MGAT4C: variants seen among roughly 807,000 people sequenced by gnomAD.
The protein encoded by MGAT4C is alpha-1,3-mannosyl-glycoprotein 4-beta-N-acetylglucosaminyltransferase C.
A neutral mutation model predicts 40.1 loss-of-function variants in MGAT4C; 19 were observed. That is an observed-to-expected ratio of 0.47 (90% CI 0.33 to 0.70). MGAT4C has a LOEUF of 0.70. Among genes scored for constraint, MGAT4C ranks in the 30% least tolerant of loss-of-function variants. The probability of loss-of-function intolerance (pLI) is 0.02; values close to 1 mark genes in which losing one functional copy is unlikely to be tolerated. For synonymous variants in MGAT4C, 181 were observed against 187.1 expected, an observed-to-expected ratio of 0.97 and a Z score of 0.27; for missense variants, 491 against 563.2, an observed-to-expected ratio of 0.87 and a Z score of 1.30.
At position 86,588,483 on chromosome 12, in the gene MGAT4C, A is replaced by G. The variant is rs1042558016; in HGVS notation, c.-229+138726T>C. Among the ~76,000 whole-genome samples, 11 of 152,178 alleles carry G rather than the reference A, an allele frequency of 7.2e-5. 1 individual carries two copies. Among genetic ancestry groups the G allele is most frequent in the African/African-American group, 2.4e-4 (10 of 41,544 alleles). ...ACTTTAACACCCCACTGTCAACATT[A>G]GACAGATCAACAAGACAGAAAGTTA... On this transcript the variant is annotated intron_variant, in intron 2 of 7. Transcript: ENST00000548651.
exon 2 of MGAT4C, chr12:86,727,236 G>C (rs1950836711): frequency 6.6e-6 from 1 of 152,082 alleles, no homozygotes; most frequent in African/African-American, 2.4e-5. Flanking sequence ...AACAGCAGCT[G>C]AGAAGCTGTC....
chr12:86,588,223 G>T (rs983184524), intron 2 of MGAT4C, among the ~76,000 whole-genome samples: 1 of 151,248 alleles, frequency 6.6e-6, no homozygotes, highest in African/African-American at 2.4e-5. Context: ...CCAAGCAAAT[G>T]GAAAACAAAA....
intron 3 of MGAT4C, among the ~76,000 whole-genome samples, chr12:86,432,892 T>C (rs908963579): frequency 1.1e-4 from 16 of 151,226 alleles, no homozygotes; most frequent in Admixed American, 4.0e-4. Flanking sequence ...CCTGTTCAAC[T>C]TTTTTTTTCA....
At chr12:86,836,457 C>T (rs940959103) in intron 1 of MGAT4C, among the ~76,000 whole-genome samples, 2 of 151,864 alleles carry the variant, frequency 1.3e-5, no homozygotes, top group African/African-American at 4.8e-5. Flanking sequence ...ATCATGGGCA[C>T]TCAGTAAATG....
At chr12:86,561,692 A>C (rs762285099) in intron 2 of MGAT4C, among the ~76,000 whole-genome samples, 2 of 152,046 alleles carry the variant, frequency 1.3e-5, no homozygotes, top group Admixed American at 6.6e-5. Flanking sequence ...CTATTGTGGG[A>C]CTTCACCTTG....
intron 2 of MGAT4C, among the ~76,000 whole-genome samples, chr12:86,585,515 G>C (rs574233816): frequency 2.6e-5 from 4 of 151,354 alleles, no homozygotes; most frequent in African/African-American, 4.8e-5. Context: ...AATGCTATTT[G>C]CAATGGGAAA....
chr12:86,540,793 T>C (rs573752455), intron 2 of MGAT4C, among the ~76,000 whole-genome samples: 1 of 152,236 alleles, frequency 6.6e-6, no homozygotes, highest in Non-Finnish European at 1.5e-5. Flanking sequence ...TCAGTTTGAA[T>C]TTGGGAATTC....
chr12:86,698,018 T>C (rs1950288270), intron 2 of MGAT4C, among the ~76,000 whole-genome samples: 1 of 152,150 alleles, frequency 6.6e-6, no homozygotes, highest in Non-Finnish European at 1.5e-5. Context: ...CATATTTGTG[T>C]GAATTATAGT....
chr12:86,535,385 A>T (rs1473132712), intron 2 of MGAT4C, among the ~76,000 whole-genome samples: 3 of 152,076 alleles, frequency 2.0e-5, no homozygotes, highest in Non-Finnish European at 4.4e-5. Context: ...GAATAGAGTA[A>T]TGCAATGTCA....
intron 1 of MGAT4C, among the ~76,000 whole-genome samples, chr12:86,098,331 C>T (rs995389672): frequency 6.6e-6 from 1 of 151,390 alleles, no homozygotes; most frequent in Non-Finnish European, 1.5e-5. Context: ...TTTCTTTTTG[C>T]TATCAGTTAT....
chr12:86,796,284 G>T (rs1363234835), intron 1 of MGAT4C, among the ~76,000 whole-genome samples: 3 of 151,676 alleles, frequency 2.0e-5, no homozygotes, highest in Non-Finnish European at 4.4e-5. Context: ...CTTTACTAAT[G>T]CTTCTTGAGC....
At position 85,963,451 on chromosome 12, in the gene MGAT4C, C is replaced by G. The variant is rs190748941; in HGVS notation, c.*15838G>C. 6 of 152,088 alleles carry G rather than the reference C, an allele frequency of 3.9e-5. No homozygotes were observed. Among genetic ancestry groups the G allele is most frequent in the African/African-American group, 1.4e-4 (6 of 41,550 alleles). The allele number at this position is 152,088 out of a possible 1,614,324, so 9.4% of individuals were successfully genotyped here. A position where few individuals can be genotyped will look rare whatever the true frequency, so the allele number is the denominator to read the frequency against. ...ACATAGGAACACACACACATACACA[C>G]AGACACACACAGAGTTTGCTTATAA... On this transcript the variant is annotated 3_prime_UTR_variant, in exon 5 of 5. Coordinates refer to ENST00000611864, the MANE Select transcript of MGAT4C (RefSeq NM_001351288.2).
intron 1 of MGAT4C, among the ~76,000 whole-genome samples, chr12:86,062,541 A>C (rs761672296): frequency 1.7e-4 from 26 of 152,238 alleles, no homozygotes; most frequent in Non-Finnish European, 3.5e-4. Flanking sequence ...ACGAATTGAC[A>C]GAAGTAGGCT....
chr12:86,658,393 C>A (rs1434234864), intron 2 of MGAT4C, among the ~76,000 whole-genome samples: 1 of 151,966 alleles, frequency 6.6e-6, no homozygotes, highest in Non-Finnish European at 1.5e-5. Flanking sequence ...GAGAGACAAG[C>A]ATTTAAGGAC....
At chr12:86,229,318 C>G (rs1739396199) in intron 1 of MGAT4C, among the ~76,000 whole-genome samples, 1 of 151,746 alleles carries the variant, frequency 6.6e-6, no homozygotes, top group African/African-American at 2.4e-5. Flanking sequence ...ATATTTCAAT[C>G]CAATGTCTTT....
At chr12:86,452,921 C>T (rs994601906) in intron 2 of MGAT4C, among the ~76,000 whole-genome samples, 7 of 152,244 alleles carry the variant, frequency 4.6e-5, no homozygotes, top group African/African-American at 7.2e-5. Flanking sequence ...GGGCTTGCTA[C>T]AATGCATATT....
chr12:86,742,160 T>C (rs1951078735), intron 1 of MGAT4C, among the ~76,000 whole-genome samples: 2 of 151,468 alleles, frequency 1.3e-5, no homozygotes, highest in Admixed American at 6.6e-5. Context: ...TACCTCACAC[T>C]GTACACTCCC....
intron 1 of MGAT4C, among the ~76,000 whole-genome samples, chr12:86,748,511 A>G (rs1386040332): frequency 6.6e-6 from 1 of 151,770 alleles, no homozygotes; most frequent in African/African-American, 2.4e-5. Context: ...CGTGATAAAA[A>G]TACTACATGA....
intron 2 of MGAT4C, among the ~76,000 whole-genome samples, chr12:86,718,461 A>G (rs1950684973): frequency 6.6e-6 from 1 of 152,164 alleles, no homozygotes; most frequent in African/African-American, 2.4e-5. Flanking sequence ...TAAAAGGCCT[A>G]TCACTTGCAT....
Sources: allele counts gnomAD v4.1 joint callset (sites outside exome capture counted in the v4.1 genomes callset), GRCh38; gene constraint gnomAD v4.1.1; transcripts MANE v1.5; gene names NCBI Gene and HGNC (gene_info 2026-07-23, HGNC 2026-07-21).